RORA: variants seen among roughly 807,000 people sequenced by gnomAD.
The protein encoded by RORA is RAR related orphan receptor A.
In RORA, 7 loss-of-function variants were observed where a neutral mutation model predicts 69.5. That is an observed-to-expected ratio of 0.10 (90% confidence interval 0.06 to 0.19). The LOEUF (loss-of-function observed/expected upper bound fraction) is 0.19. Among genes scored for constraint, RORA ranks in the 10% least tolerant of loss-of-function variants. RORA has a pLI of 1.00. For synonymous variants in RORA, 261 were observed against 240.8 expected (o/e 1.08, Z -0.78); for missense variants, 457 against 663.0 (o/e 0.69, Z 3.41).
rs1236581473 is a variant in RORA at position 61,128,760 on chromosome 15, G to A, written c.166+100293C>T. Among the ~76,000 whole-genome samples, 1 of 152,218 alleles carries A rather than the reference G, an allele frequency of 6.6e-6. No homozygotes were observed. Among genetic ancestry groups the A allele is most frequent in the Non-Finnish European group, 1.5e-5 (1 of 68,036 alleles). ...GTAAAAGCAGATCACAAAGGATCTAGTGTCTCAGAACACAACCAAATATTG... is the reference window on the plus strand; with the variant it reads ...GTAAAAGCAGATCACAAAGGATCTAATGTCTCAGAACACAACCAAATATTG... On this transcript the variant is annotated intron_variant, in intron 1 of 10. Transcript: ENST00000335670. This position sits in a 1 kb window ranked among gnomAD's most constrained non-coding sequence, Gnocchi z 4.5.
At chr15:61,086,129 C>T (rs949021742) in intron 1 of RORA, among the ~76,000 whole-genome samples, 2 of 152,200 alleles carry the variant, frequency 1.3e-5, no homozygotes, top group Non-Finnish European at 2.9e-5. Context: ...CCTTGTTCCC[C>T]GCTCTATAAT....
chr15:60,817,240 A>G (rs2072831104), intron 1 of RORA, among the ~76,000 whole-genome samples: 1 of 152,352 alleles, frequency 6.6e-6, no homozygotes, highest in South Asian at 2.1e-4. Context: ...CCATCAAGTC[A>G]CACAATTTTT....
intron 1 of RORA, among the ~76,000 whole-genome samples, chr15:60,922,350 T>A (rs376110266): frequency 6.6e-6 from 1 of 152,104 alleles, no homozygotes; most frequent in Non-Finnish European, 1.5e-5. Flanking sequence ...TGTTGGTTCA[T>A]TGATTATAAC....
At chr15:60,626,150 C>T (rs1310223130) in intron 2 of RORA, among the ~76,000 whole-genome samples, 1 of 152,184 alleles carries the variant, frequency 6.6e-6, no homozygotes, top group Non-Finnish European at 1.5e-5. Flanking sequence ...CCCCACAGTT[C>T]AACCCAGGGT....
Position 60,537,305 on chromosome 15 carries a change from CA to C in RORA, c.197-5455del, listed in dbSNP as rs1458805329. On this transcript the variant is annotated intron_variant, in intron 2 of 10. Transcript: ENST00000335670. This position sits in a 1 kb window ranked among gnomAD's most constrained non-coding sequence, Gnocchi z 4.9. ...GCCCAGTGCGGCCTAGCTGAGGGGT[CA>C]AAAGTAGAGGTTGAAATGCACCTGG... Among the ~76,000 whole-genome samples, 2 of 152,264 alleles carry C rather than the reference CA, an allele frequency of 1.3e-5. No individual in the cohort carries two copies.
At chr15:60,599,292 T>G (rs2140549783) in intron 2 of RORA, among the ~76,000 whole-genome samples, 1 of 152,350 alleles carries the variant, frequency 6.6e-6, no homozygotes, top group South Asian at 2.1e-4. Context: ...GGCTCACGCC[T>G]GTAATCCCAG....
chr15:60,816,096 G>T lies in RORA; in HGVS notation c.167-137410C>A, dbSNP rs1479541182. On this transcript the variant is annotated intron_variant, in intron 1 of 10. Transcript: ENST00000335670. ...AAACAGTATATGTATACTGTAAACA[G>T]TATATGTATTTATATACTGTAAACA... Among the ~76,000 whole-genome samples the T allele has an allele frequency of 1.1e-4, 14 of 128,244 alleles. 2 individuals are homozygous for T. In the Admixed American group the frequency reaches 1.2e-3, roughly 11 times the overall value. 84.1% of individuals were successfully genotyped at this position (128,244 alleles called of 152,430 possible).
chr15:60,610,333 C>A (rs191821368), intron 2 of RORA, among the ~76,000 whole-genome samples: 58 of 152,206 alleles, frequency 3.8e-4, no homozygotes, highest in South Asian at 2.1e-4. Flanking sequence ...CTCTGAGGAC[C>A]AGGAGCAAAG....
At chr15:61,135,790 A>C (rs530362622) in intron 1 of RORA, among the ~76,000 whole-genome samples, 165 of 152,326 alleles carry the variant, frequency 1.1e-3, no homozygotes, top group African/African-American at 3.7e-3. Context: ...ACCGAGCATC[A>C]CTGACAGCCA....
intron 1 of RORA, among the ~76,000 whole-genome samples, chr15:61,086,515 T>C (rs1238505573): frequency 6.6e-6 from 1 of 152,172 alleles, no homozygotes; most frequent in African/African-American, 2.4e-5. Context: ...AAGAATATTA[T>C]ATGCATCAGA....
At chr15:60,979,485 A>G (rs1301511541) in intron 1 of RORA, among the ~76,000 whole-genome samples, 1 of 151,952 alleles carries the variant, frequency 6.6e-6, no homozygotes, top group African/African-American at 2.4e-5. Flanking sequence ...CAATCCATAA[A>G]CATAGAAGAT....
At chr15:61,206,937 G>A (rs1452825294) in intron 1 of RORA, among the ~76,000 whole-genome samples, 6 of 152,166 alleles carry the variant, frequency 3.9e-5, no homozygotes, top group Admixed American at 2.0e-4. Context: ...CCACCAGTGG[G>A]AACAGTCTAA....
intron 1 of RORA, among the ~76,000 whole-genome samples, chr15:61,153,979 C>T (rs28366729): frequency 0.039 from 5,930 of 152,268 alleles, 402 homozygotes; most frequent in African/African-American, 0.14. Flanking sequence ...AGTGGGCTCA[C>T]ACAGCTTATA....
At chr15:60,780,706 C>A (rs989225142) in intron 1 of RORA, among the ~76,000 whole-genome samples, 2 of 152,186 alleles carry the variant, frequency 1.3e-5, no homozygotes, top group African/African-American at 4.8e-5. Flanking sequence ...CACACTTCTC[C>A]ATCTGCAATC....
chr15:61,227,303 C>G lies in RORA; in HGVS notation c.166+1750G>C, dbSNP rs867002754. On this transcript the variant is annotated intron_variant, in intron 1 of 10. Coordinates refer to ENST00000335670, the MANE Select transcript of RORA (RefSeq NM_134261.3). The stretch of plus-strand genomic sequence containing the variant: ...TACATAACCCGCTCGCATTCCAAAT[C>G]CACCGTCTCAGGGTCTAAATATACT... Among the ~76,000 whole-genome samples, 12 of 151,588 alleles carry G rather than the reference C, an allele frequency of 7.9e-5. No homozygotes were observed. In the Middle Eastern group the frequency reaches 0.01, roughly 133 times the overall value.
At chr15:60,934,835 T>C (rs562208860) in intron 1 of RORA, among the ~76,000 whole-genome samples, 119 of 152,346 alleles carry the variant, frequency 7.8e-4, no homozygotes, top group South Asian at 1.5e-3. Flanking sequence ...ATCTGTCCTC[T>C]ACTTTCCCAC....
rs542959614 is a variant in RORA at position 60,992,313 on chromosome 15, G to C, written c.166+236740C>G. 2.7e-4 allele frequency among the ~76,000 whole-genome samples: 41 copies of C among 152,284 alleles called. 1 individual carries two copies. Among genetic ancestry groups the C allele is most frequent in the African/African-American group, 9.6e-4 (40 of 41,546 alleles). On this transcript the variant is annotated intron_variant, in intron 1 of 10. Transcript: ENST00000335670. ...CATTTCTGGTTAAGCACGGAGCTATGATGAAGTTAACCTAAGATTTTAAGA... is the reference window on the plus strand; with the variant it reads ...CATTTCTGGTTAAGCACGGAGCTATCATGAAGTTAACCTAAGATTTTAAGA...
chr15:61,128,557 C>A lies in RORA; in HGVS notation c.166+100496G>T, dbSNP rs954095042. On this transcript the variant is annotated intron_variant, in intron 1 of 10. Coordinates refer to ENST00000335670, the MANE Select transcript of RORA (RefSeq NM_134261.3). This position sits in a 1 kb window ranked among gnomAD's most constrained non-coding sequence, Gnocchi z 4.5. ...GATTACGTTAGATAACTCAGGGATACGGGGAGAGAGAAATCCTGGGGTGTG... is the reference window on the plus strand; with the variant it reads ...GATTACGTTAGATAACTCAGGGATAAGGGGAGAGAGAAATCCTGGGGTGTG... Among the ~76,000 whole-genome samples, 1 of 152,054 alleles carries A rather than the reference C, an allele frequency of 6.6e-6. No homozygotes were observed. Among genetic ancestry groups the A allele is most frequent in the Non-Finnish European group, 1.5e-5 (1 of 67,996 alleles).
chr15:60,518,652 A>T (rs900442182), intron 3 of RORA, among the ~76,000 whole-genome samples: 1 of 152,216 alleles, frequency 6.6e-6, no homozygotes, highest in African/African-American at 2.4e-5. Flanking sequence ...CAAGACAATT[A>T]GGGACAGCCC....
Sources: allele counts gnomAD v4.1 joint callset (sites outside exome capture counted in the v4.1 genomes callset), GRCh38; gene constraint gnomAD v4.1.1; non-coding constraint Gnocchi (gnomAD v3.1); transcripts MANE v1.5; gene names NCBI Gene and HGNC (gene_info 2026-07-23, HGNC 2026-07-21).